The following PRMT3 variants were observed in gnomAD, a reference collection of about 807,000 sequenced individuals.
The protein encoded by PRMT3 is protein arginine methyltransferase 3.
Under a neutral mutation model 71.9 loss-of-function variants are expected in PRMT3, and 62 were observed. The ratio of observed to expected loss-of-function variants is 0.86; its 90% CI spans 0.70 to 1.07. The LOEUF (loss-of-function observed/expected upper bound fraction) is 1.07, where lower values mean the gene tolerates loss of function less well. Ranked by LOEUF, PRMT3 falls within the 50% of genes least tolerant of loss-of-function variation. The pLI is 0.00. For synonymous variants in PRMT3, 213 were observed against 220.4 expected (o/e 0.97, Z 0.30); for missense variants, 663 against 643.0 (o/e 1.03, Z -0.34).
intron 15 of PRMT3, among the ~76,000 whole-genome samples, chr11:20,504,745 A>AGAGAGAGAGAGAGAGAGAGC (rs1491497481): frequency 5.2e-4 from 74 of 141,244 alleles, no homozygotes; most frequent in African/African-American, 1.8e-3. Flanking sequence ...AGAGAGAGAG[A>AGAGAGAGAGAGAGAGAGAGC]GCGAGAGCGA....
At chr11:20,441,980 A>G (rs2133374126) in intron 10 of PRMT3, among the ~76,000 whole-genome samples, 1 of 151,988 alleles carries the variant, frequency 6.6e-6, no homozygotes, top group Admixed American at 6.5e-5. Flanking sequence ...TTTAGTAGAG[A>G]CGGGGTTTCG....
intron 8 of PRMT3, 131 bp from the exon 9 acceptor site, chr11:20,407,780 C>A: frequency 1.1e-6 from 1 of 920,052 alleles, no homozygotes; most frequent in Non-Finnish European, 1.6e-6. Context: ...TGAGCCACCG[C>A]GCCTGGCCAG....
intron 9 of PRMT3, among the ~76,000 whole-genome samples, chr11:20,408,259 T>C (rs1202248484): frequency 6.6e-6 from 1 of 152,086 alleles, no homozygotes; most frequent in Non-Finnish European, 1.5e-5. Context: ...ATTTTTATAT[T>C]GATTTCTGGC....
intron 5 of PRMT3, 65 bp from the exon 6 acceptor site, chr11:20,395,738 A>G: frequency 6.8e-7 from 1 of 1,476,330 alleles, no homozygotes; most frequent in Non-Finnish European, 9.2e-7. Context: ...ATTTATTCCT[A>G]ACATATTTAT....
At chr11:20,437,614 G>A (rs1247338236) in intron 10 of PRMT3, among the ~76,000 whole-genome samples, 1 of 151,702 alleles carries the variant, frequency 6.6e-6, no homozygotes, top group Non-Finnish European at 1.5e-5. Flanking sequence ...TTTTGAGACG[G>A]AGTCTCGCTC....
intron 13 of PRMT3, among the ~76,000 whole-genome samples, chr11:20,482,076 A>G (rs753572102): frequency 6.6e-6 from 1 of 152,160 alleles, no homozygotes; most frequent in African/African-American, 2.4e-5. Flanking sequence ...GCAAAAGTCC[A>G]CAAAATGAGG....
At chr11:20,393,358 A>G (rs1306420000) in intron 5 of PRMT3, among the ~76,000 whole-genome samples, 1 of 152,192 alleles carries the variant, frequency 6.6e-6, no homozygotes, top group Admixed American at 6.5e-5. Context: ...GAGGCAGGAG[A>G]ATCACTTGAA....
intron 9 of PRMT3, among the ~76,000 whole-genome samples, chr11:20,411,346 G>A (rs6416028): frequency 0.82 from 124,694 of 151,994 alleles, 53,068 homozygotes; most frequent in Non-Finnish European, 0.95. Flanking sequence ...TTTGAATCTC[G>A]AACACTAATT....
chr11:20,388,875 C>T (rs993547234), intron 2 of PRMT3, among the ~76,000 whole-genome samples: 13 of 152,180 alleles, frequency 8.5e-5, no homozygotes, highest in South Asian at 4.1e-4. Flanking sequence ...ATGAAAGAGG[C>T]CCGGTTGGCA....
intron 13 of PRMT3, among the ~76,000 whole-genome samples, chr11:20,466,630 A>G (rs368373056): frequency 7.2e-4 from 110 of 152,292 alleles, no homozygotes; most frequent in Non-Finnish European, 7.8e-4. Context: ...ATTGTTTTCT[A>G]TTTCCTAGTA....
chr11:20,410,695 A>G (rs1271506572), intron 9 of PRMT3, among the ~76,000 whole-genome samples: 1 of 152,096 alleles, frequency 6.6e-6, no homozygotes, highest in Non-Finnish European at 1.5e-5. Flanking sequence ...AGAGCCCAGA[A>G]TAATTTGGGA....
At chr11:20,490,860 C>T (rs539438212) in intron 13 of PRMT3, among the ~76,000 whole-genome samples, 1 of 152,166 alleles carries the variant, frequency 6.6e-6, no homozygotes, top group African/African-American at 2.4e-5. Context: ...TAAAATGTTT[C>T]TAGAGGAAGT....
intron 13 of PRMT3, among the ~76,000 whole-genome samples, chr11:20,468,640 A>C (rs937380131): frequency 2.6e-5 from 4 of 152,176 alleles, no homozygotes; most frequent in African/African-American, 9.7e-5. Flanking sequence ...AAGTGCTGGG[A>C]TTACAGGCAT....
At chr11:20,505,168 T>C (rs959448512) in intron 15 of PRMT3, among the ~76,000 whole-genome samples, 1 of 152,206 alleles carries the variant, frequency 6.6e-6, no homozygotes, top group Non-Finnish European at 1.5e-5. Flanking sequence ...CTAGTAGCCT[T>C]CTTTGCATAT....
At position 20,387,966 on chromosome 11, in the gene PRMT3, C is replaced by G. The variant is rs749351180; in HGVS notation, c.29-53C>G. ...CCCATCGTCACCTGCTCCTCGAGCCCCCGGGCCGCACCGGTGTCCGAGGCC... is the reference window on the plus strand; with the variant it reads ...CCCATCGTCACCTGCTCCTCGAGCCGCCGGGCCGCACCGGTGTCCGAGGCC... On this transcript the variant is annotated intron_variant, in intron 1 of 15. Transcript: ENST00000331079. This position sits in a 1 kb window ranked among gnomAD's most constrained non-coding sequence, Gnocchi z 4.3. The G allele has an allele frequency of 1.2e-6, 2 of 1,610,458 alleles. No individual in the cohort carries two copies. The highest frequency in any genetic ancestry group is 1.7e-6 in the Non-Finnish European group (2 of 1,178,142).
intron 15 of PRMT3, among the ~76,000 whole-genome samples, chr11:20,499,291 G>A (rs1851402879): frequency 6.6e-6 from 1 of 152,138 alleles, no homozygotes; most frequent in Non-Finnish European, 1.5e-5. Context: ...TTTACTGGTG[G>A]AGACAGAATG....
At chr11:20,479,756 A>G (rs894758322) in intron 13 of PRMT3, among the ~76,000 whole-genome samples, 2 of 152,130 alleles carry the variant, frequency 1.3e-5, no homozygotes, top group South Asian at 4.1e-4. Context: ...ATATTTCTGT[A>G]TATCTCAGCC....
At position 20,417,774 on chromosome 11, in the gene PRMT3, TCACA is replaced by T. The variant is rs34609751; in HGVS notation, c.894-8971_894-8968del. On this transcript the variant is annotated intron_variant, in intron 9 of 15. Transcript: ENST00000331079. ...AAATTTGCTTCTCTCTCTCTCTCTGTCACACACACACACACACACACACAGGAGG... is the reference window on the plus strand; with the variant it reads ...AAATTTGCTTCTCTCTCTCTCTCTGTCACACACACACACACACACAGGAGG... Among the ~76,000 whole-genome samples, 328 of 148,798 alleles carry T rather than the reference TCACA, an allele frequency of 2.2e-3. 1 individual carries two copies. Among genetic ancestry groups the T allele is most frequent in the African/African-American group, 6.5e-3 (265 of 40,878 alleles).
chr11:20,444,039 G>C (rs531120451), intron 10 of PRMT3, among the ~76,000 whole-genome samples: 2 of 152,120 alleles, frequency 1.3e-5, no homozygotes, highest in Non-Finnish European at 2.9e-5. Flanking sequence ...TTCTTGCGTG[G>C]AAGTTGGTGA....
Sources: allele counts gnomAD v4.1 joint callset (sites outside exome capture counted in the v4.1 genomes callset), GRCh38; gene constraint gnomAD v4.1.1; non-coding constraint Gnocchi (gnomAD v3.1); transcripts MANE v1.5; gene names NCBI Gene and HGNC (gene_info 2026-07-23, HGNC 2026-07-21).